The following ANKS1B variants were observed in gnomAD, a reference collection of about 807,000 sequenced individuals.
The protein encoded by ANKS1B is ankyrin repeat and sterile alpha motif domain containing 1B.
A neutral mutation model predicts 148.3 loss-of-function variants in ANKS1B; 36 were observed. That is an observed-to-expected ratio of 0.24 (90% confidence interval 0.19 to 0.32). The LOEUF (loss-of-function observed/expected upper bound fraction) is 0.32, where lower values mean the gene tolerates loss of function less well. Ranked by LOEUF, ANKS1B falls within the 10% of genes least tolerant of loss-of-function variation. The pLI, the probability that ANKS1B is intolerant of heterozygous loss-of-function variation, is 1.00. For missense variants in ANKS1B, 1,157 were observed against 1,542.6 expected (o/e 0.75, Z 4.19); for synonymous variants, 542 against 560.8 (o/e 0.97, Z 0.47).
intron 14 of ANKS1B, among the ~76,000 whole-genome samples, chr12:99,238,075 G>C (rs917505656): frequency 1.3e-5 from 2 of 152,236 alleles, no homozygotes; most frequent in Non-Finnish European, 2.9e-5. Flanking sequence ...CACAGAGGGC[G>C]AGCTGAAGCA....
intron 12 of ANKS1B, among the ~76,000 whole-genome samples, chr12:99,295,413 T>A (rs1378358019): frequency 1.3e-5 from 2 of 152,320 alleles, no homozygotes; most frequent in African/African-American, 2.4e-5. Context: ...TGTTTCCTTA[T>A]TACTGGATTT....
intron 15 of ANKS1B, among the ~76,000 whole-genome samples, chr12:99,114,269 A>G (rs530722936): frequency 1.3e-5 from 2 of 152,352 alleles, no homozygotes; most frequent in South Asian, 4.1e-4. Flanking sequence ...AACTCTTTAA[A>G]TTAACAACTG....
intron 1 of ANKS1B, among the ~76,000 whole-genome samples, chr12:99,932,349 T>C (rs1241373553): frequency 1.3e-5 from 2 of 152,148 alleles, no homozygotes; most frequent in African/African-American, 4.8e-5. Context: ...GGAACCTCCA[T>C]ACTGTTCTCC....
rs1209577534 is a variant in ANKS1B, at chr12:99,288,632, T to C, written c.1757-41768A>G. Among the ~76,000 whole-genome samples, 5 of 152,106 alleles carry C rather than the reference T, an allele frequency of 3.3e-5. No individual in the cohort carries two copies. In the East Asian group the frequency reaches 7.7e-4, roughly 23 times the overall value. On this transcript the variant is annotated intron_variant, in intron 12 of 26. Coordinates refer to ENST00000683438, the MANE Select transcript of ANKS1B (RefSeq NM_001352186.2). Reference sequence around the variant, plus strand: ...GATAAAGTTAAAGTGTATAGAGTTATTAGTTTTCTCTTTGCTTGTTTGTTA... The same window carrying C: ...GATAAAGTTAAAGTGTATAGAGTTACTAGTTTTCTCTTTGCTTGTTTGTTA...
chr12:98,942,532 G>C (rs2099838613), intron 17 of ANKS1B, among the ~76,000 whole-genome samples: 1 of 152,124 alleles, frequency 6.6e-6, no homozygotes, highest in Non-Finnish European at 1.5e-5. Flanking sequence ...TCTAGGTTAG[G>C]TTCCCCTCAG....
At chr12:99,367,269 T>C (rs2092820735) in intron 12 of ANKS1B, among the ~76,000 whole-genome samples, 3 of 152,194 alleles carry the variant, frequency 2.0e-5, no homozygotes, top group South Asian at 4.1e-4. Context: ...CGTGGGCATT[T>C]CATAAAAAGA....
intron 9 of ANKS1B, among the ~76,000 whole-genome samples, chr12:99,574,154 A>G (rs1384580795): frequency 6.6e-6 from 1 of 152,120 alleles, no homozygotes; most frequent in Admixed American, 6.6e-5. Context: ...TCAGTTTCAG[A>G]GGTACATAAA....
At chr12:99,569,838 A>G (rs1480348950) in intron 9 of ANKS1B, among the ~76,000 whole-genome samples, 1 of 152,074 alleles carries the variant, frequency 6.6e-6, no homozygotes, top group African/African-American at 2.4e-5. Flanking sequence ...CCTCGGTCCA[A>G]TCCTGCTTCC....
At chr12:98,853,922 C>A (rs1002599752) in intron 17 of ANKS1B, among the ~76,000 whole-genome samples, 2 of 152,112 alleles carry the variant, frequency 1.3e-5, no homozygotes, top group African/African-American at 4.8e-5. Context: ...GCAGAAGGCC[C>A]CCTCAGCACT....
At chr12:98,770,555 T>C (rs550889233) in intron 25 of ANKS1B, among the ~76,000 whole-genome samples, 1 of 152,260 alleles carries the variant, frequency 6.6e-6, no homozygotes, top group African/African-American at 2.4e-5. Context: ...TTGCAGTCTT[T>C]ACTGTTACCA....
chr12:99,452,089 T>C (rs1260545726), intron 10 of ANKS1B, among the ~76,000 whole-genome samples: 1 of 152,124 alleles, frequency 6.6e-6, no homozygotes, highest in South Asian at 2.1e-4. Flanking sequence ...AAGGGCCAGA[T>C]GGTAAATATT....
intron 10 of ANKS1B, among the ~76,000 whole-genome samples, chr12:99,479,343 TTC>T (rs938787019): frequency 6.6e-6 from 1 of 152,074 alleles, no homozygotes; most frequent in African/African-American, 2.4e-5. Context: ...TTTAAGTAAA[TTC>T]TCTGACTCAG....
chr12:99,639,058 CT>C (rs998411151), intron 9 of ANKS1B, among the ~76,000 whole-genome samples: 1 of 144,508 alleles, frequency 6.9e-6, no homozygotes, highest in African/African-American at 2.6e-5. Flanking sequence ...CAGAAGTTTG[CT>C]CTAGGGGCAG....
chr12:99,561,903 C>T lies in ANKS1B; in HGVS notation c.1273-57262G>A, dbSNP rs1055172633. On this transcript the variant is annotated intron_variant, in intron 9 of 26. Coordinates refer to ENST00000683438, the MANE Select transcript of ANKS1B (RefSeq NM_001352186.2). ...TGGTAAATCCTTTCTAGAAGGTTTT[C>T]AATTTACCTTTCCCAGATCCATCAA... is the stretch of plus-strand genomic sequence containing the variant. Among the ~76,000 whole-genome samples, 10 of 152,268 alleles carry T rather than the reference C, an allele frequency of 6.6e-5. No individual in the cohort carries two copies. The East Asian group carries it at 1.2e-3, about 18-fold the overall frequency.
chr12:99,028,074 A>G (rs983579969), intron 17 of ANKS1B, among the ~76,000 whole-genome samples: 5 of 152,214 alleles, frequency 3.3e-5, no homozygotes, highest in South Asian at 4.1e-4. Context: ...GTTATTTACA[A>G]TTCAGAGCTG....
chr12:99,152,760 T>C (rs940600098), intron 15 of ANKS1B, among the ~76,000 whole-genome samples: 1 of 152,120 alleles, frequency 6.6e-6, no homozygotes, highest in Admixed American at 6.5e-5. Context: ...TTATTTCAAG[T>C]AGACATAGGG....
At chr12:99,630,649 T>C (rs932744339) in intron 9 of ANKS1B, among the ~76,000 whole-genome samples, 2 of 152,196 alleles carry the variant, frequency 1.3e-5, no homozygotes, top group African/African-American at 2.4e-5. Context: ...AAGGGAATTA[T>C]TATTCTTTCA....
chr12:99,151,246 G>T (rs2074799948), intron 15 of ANKS1B, among the ~76,000 whole-genome samples: 1 of 152,052 alleles, frequency 6.6e-6, no homozygotes, highest in East Asian at 1.9e-4. Context: ...AACAATTGGG[G>T]GCCAGGTGTG....
intron 25 of ANKS1B, among the ~76,000 whole-genome samples, chr12:98,756,293 A>G (rs963188733): frequency 6.6e-6 from 1 of 152,108 alleles, no homozygotes; most frequent in East Asian, 1.9e-4. Flanking sequence ...TATAAATGGG[A>G]GTTCCCCTGT....
Sources: allele counts gnomAD v4.1 joint callset (sites outside exome capture counted in the v4.1 genomes callset), GRCh38; gene constraint gnomAD v4.1.1; transcripts MANE v1.5; gene names NCBI Gene and HGNC (gene_info 2026-07-23, HGNC 2026-07-21).